Variants in MYT1L observed in about 807,000 individuals in gnomAD.
The protein encoded by MYT1L is myelin transcription factor 1 like.
A neutral mutation model predicts 126.7 loss-of-function variants in MYT1L; 12 were observed. That is an observed-to-expected ratio of 0.09 (90% CI 0.06 to 0.15). MYT1L has a LOEUF of 0.15. Among genes scored for constraint, MYT1L ranks in the 10% least tolerant of loss-of-function variants. The probability of loss-of-function intolerance (pLI) is 1.00; values close to 1 mark genes in which losing one functional copy is unlikely to be tolerated. For missense variants in MYT1L, 979 were observed against 1,585.2 expected (o/e 0.62, Z 6.49); for synonymous variants, 541 against 604.2 (o/e 0.90, Z 1.53).
Position 1,887,424 on chromosome 2 carries a change from A to T in MYT1L, c.2642+64T>A, listed in dbSNP as rs1573238116. The T allele has an allele frequency of 1.9e-6, 3 of 1,608,562 alleles. No homozygotes were observed. The highest frequency in any genetic ancestry group is 1.7e-4 in the Middle Eastern group (1 of 6,050). ...GCAAGGCATATACAGATCCAGTTTT[A>T]AAAAATCAGCCAAAGAATGGGAAGA... On this transcript the variant is annotated intron_variant, in intron 17 of 24. Transcript: ENST00000647738. The surrounding 1 kb of genome is among the most constrained non-coding windows in gnomAD (Gnocchi z 4.8).
intron 4 of MYT1L, among the ~76,000 whole-genome samples, chr2:2,021,199 A>T (rs1020392857): frequency 6.6e-6 from 1 of 152,198 alleles, no homozygotes; most frequent in African/African-American, 2.4e-5. Context: ...AAAGGCCCAG[A>T]CTGAGGACAC....
intron 8 of MYT1L, among the ~76,000 whole-genome samples, chr2:1,956,598 A>T (rs1001296659): frequency 6.7e-6 from 1 of 150,008 alleles, no homozygotes; most frequent in African/African-American, 2.5e-5. Flanking sequence ...CTATCTATCT[A>T]TCTATCTATC....
intron 3 of MYT1L, among the ~76,000 whole-genome samples, chr2:2,114,537 C>T (rs2079939346): frequency 6.6e-6 from 1 of 152,158 alleles, no homozygotes; most frequent in South Asian, 2.1e-4. Context: ...ATTTGCCACA[C>T]TTTGTAATTA....
At chr2:2,244,738 T>C (rs921576801) in intron 2 of MYT1L, among the ~76,000 whole-genome samples, 1 of 152,154 alleles carries the variant, frequency 6.6e-6, no homozygotes, top group African/African-American at 2.4e-5. Flanking sequence ...GATGTGGCCC[T>C]TGGCAAGACA....
chr2:2,161,022 T>C (rs2087803733), intron 3 of MYT1L, among the ~76,000 whole-genome samples: 1 of 151,904 alleles, frequency 6.6e-6, no homozygotes, highest in Non-Finnish European at 1.5e-5. Flanking sequence ...TTTGAGACCA[T>C]CCTGCCCAAC....
chr2:2,069,437 T>C (rs1396296133), intron 3 of MYT1L, among the ~76,000 whole-genome samples: 2 of 152,196 alleles, frequency 1.3e-5, no homozygotes, highest in African/African-American at 4.8e-5. Context: ...ATTCATGGTG[T>C]ATATGTGCCA....
intron 3 of MYT1L, among the ~76,000 whole-genome samples, chr2:2,082,177 T>C (rs1333969635): frequency 1.3e-5 from 2 of 152,178 alleles, no homozygotes; most frequent in South Asian, 2.1e-4. Flanking sequence ...AACTTATGTG[T>C]GTATAGCATA....
At chr2:2,205,453 G>A (rs2093275213) in intron 2 of MYT1L, among the ~76,000 whole-genome samples, 1 of 152,064 alleles carries the variant, frequency 6.6e-6, no homozygotes, top group Admixed American at 6.5e-5. Flanking sequence ...AATCATTTAT[G>A]TTTTTGATTT....
At chr2:2,090,070 T>C (rs191665026) in intron 3 of MYT1L, among the ~76,000 whole-genome samples, 10 of 152,330 alleles carry the variant, frequency 6.6e-5, no homozygotes, top group African/African-American at 2.4e-4. Context: ...CACAGTCTGC[T>C]GCCATTATTC....
chr2:2,185,217 A>G (rs947065258), intron 2 of MYT1L, among the ~76,000 whole-genome samples: 61 of 152,336 alleles, frequency 4.0e-4, no homozygotes, highest in African/African-American at 1.3e-3. Context: ...TAATAATAGC[A>G]AACACATTGA....
intron 4 of MYT1L, among the ~76,000 whole-genome samples, chr2:2,000,852 T>A: frequency 6.6e-6 from 1 of 152,208 alleles, no homozygotes; most frequent in East Asian, 1.9e-4. Context: ...GAGGCTATTT[T>A]ATTCTATGCT....
intron 2 of MYT1L, among the ~76,000 whole-genome samples, chr2:2,245,144 G>A (rs1234686412): frequency 1.3e-5 from 2 of 152,308 alleles, no homozygotes; most frequent in South Asian, 2.1e-4. Flanking sequence ...TGCACCAAGA[G>A]TGATTTGTTA....
chr2:2,083,533 C>T (rs567134149), intron 3 of MYT1L, among the ~76,000 whole-genome samples: 30 of 152,364 alleles, frequency 2.0e-4, no homozygotes, highest in African/African-American at 7.0e-4. Flanking sequence ...AGCCTATCCA[C>T]TGCCACTGCA....
At chr2:2,183,280 G>A (rs1007210257) in intron 2 of MYT1L, among the ~76,000 whole-genome samples, 1 of 152,114 alleles carries the variant, frequency 6.6e-6, no homozygotes, top group African/African-American at 2.4e-5. Context: ...GAACGAACCT[G>A]GGGGAAGTAG....
At chr2:2,206,064 C>T (rs1254107574) in intron 2 of MYT1L, among the ~76,000 whole-genome samples, 1 of 151,752 alleles carries the variant, frequency 6.6e-6, no homozygotes, top group Non-Finnish European at 1.5e-5. Flanking sequence ...CCCACTGCAG[C>T]CTCCACCTCC....
intron 3 of MYT1L, among the ~76,000 whole-genome samples, chr2:2,102,140 G>C (rs534191433): frequency 2.2e-4 from 33 of 152,306 alleles, no homozygotes; most frequent in African/African-American, 7.9e-4. Flanking sequence ...AGCTGTTTTA[G>C]AGTGATTTTT....
At chr2:2,302,764 A>G (rs1252936297) in intron 1 of MYT1L, among the ~76,000 whole-genome samples, 2 of 152,200 alleles carry the variant, frequency 1.3e-5, no homozygotes, top group Non-Finnish European at 2.9e-5. Context: ...CAAATTATTA[A>G]TTAGATTGTA....
In MYT1L at chr2:2,260,568, G is replaced by C. The variant is rs188914495; in HGVS notation, c.-421+23836C>G. Among the ~76,000 whole-genome samples the C allele has an allele frequency of 1.2e-4, 19 of 152,220 alleles. No homozygotes were observed. In the East Asian group the frequency reaches 1.7e-3, roughly 14 times the overall value. ...CTTCAGCCTAAGTCATCTGTATCCT[G>C]CTGGAGCAACTTTGAAATTTCTTTC... On this transcript the variant is annotated intron_variant, in intron 2 of 24. Transcript: ENST00000647738.
intron 2 of MYT1L, among the ~76,000 whole-genome samples, chr2:2,217,915 G>A (rs2093739290): frequency 6.6e-6 from 1 of 152,094 alleles, no homozygotes; most frequent in African/African-American, 2.4e-5. Context: ...CAAAAGATCT[G>A]AACAGACCTT....
Sources: allele counts gnomAD v4.1 joint callset (sites outside exome capture counted in the v4.1 genomes callset), GRCh38; gene constraint gnomAD v4.1.1; non-coding constraint Gnocchi (gnomAD v3.1); transcripts MANE v1.5; gene names NCBI Gene and HGNC (gene_info 2026-07-23, HGNC 2026-07-21).